Variants in BLOC1S2 observed in about 807,000 individuals in gnomAD.
BLOC1S2 encodes biogenesis of lysosome-related organelles complex 1 subunit 2.
A neutral mutation model predicts 19.6 loss-of-function variants in BLOC1S2; 12 were observed. The ratio of observed to expected loss-of-function variants is 0.61; its 90% CI spans 0.39 to 0.99. The LOEUF (loss-of-function observed/expected upper bound fraction) is 0.99, where lower values mean the gene tolerates loss of function less well. Ranked by LOEUF, BLOC1S2 falls within the 50% of genes least tolerant of loss-of-function variation. BLOC1S2 has a pLI of 0.00. For missense variants in BLOC1S2, 142 were observed against 171.0 expected, an observed-to-expected ratio of 0.83 and a Z score of 0.95; for synonymous variants, 66 against 64.1, an observed-to-expected ratio of 1.03 and a Z score of -0.14.
chr10:100,279,984 TATA>T (rs1438596476), intron 4 of BLOC1S2, 137 bp downstream of exon 4: 16 of 451,502 alleles, frequency 3.5e-5, no homozygotes, highest in Non-Finnish European at 5.8e-5. Context: ...TTTTTATTAA[TATA>T]ATAATAAATT....
chr10:100,284,358 A>G (rs1848183170), intron 2 of BLOC1S2, among the ~76,000 whole-genome samples: 1 of 152,220 alleles, frequency 6.6e-6, no homozygotes, highest in Admixed American at 6.5e-5. Flanking sequence ...AAAAATAAAC[A>G]AACAAATAAT....
In BLOC1S2 at chr10:100,275,413, A is replaced by T. The variant is rs373459377; in HGVS notation, c.*49T>A. ...CCTCAGGATTCAGGTTTTATAAGAC[A>T]TTCTTCCACATTAAAAAAAAAAGAC... is the stretch of plus-strand genomic sequence containing the variant. On this transcript the variant is annotated 3_prime_UTR_variant, in exon 5 of 5. Coordinates refer to ENST00000370372, the MANE Select transcript of BLOC1S2 (RefSeq NM_173809.5). 13 of 1,538,876 alleles carry T rather than the reference A, an allele frequency of 8.4e-6. No individual in the cohort carries two copies. The highest frequency in any genetic ancestry group is 3.7e-5 in the South Asian group (3 of 81,714).
chr10:100,276,814 C>A (rs1188804553), intron 4 of BLOC1S2, among the ~76,000 whole-genome samples: 253 of 150,640 alleles, frequency 1.7e-3, no homozygotes, highest in African/African-American at 6.1e-3. Context: ...CTCAATGGTG[C>A]CCAGGCTGGA....
At chr10:100,285,093 A>AC (rs11383958) in intron 2 of BLOC1S2, among the ~76,000 whole-genome samples, 1 of 151,804 alleles carries the variant, frequency 6.6e-6, no homozygotes, top group Non-Finnish European at 1.5e-5. Context: ...AAAAAAAAAA[A>AC]TTACAGATTC....
In BLOC1S2 at chr10:100,273,810, C is replaced by G. The variant is rs1277253267; in HGVS notation, c.*1652G>C. 1 of 144,706 alleles carries G rather than the reference C, an allele frequency of 6.9e-6. No individual in the cohort carries two copies. The highest frequency in any genetic ancestry group is 1.5e-5 in the Non-Finnish European group (1 of 66,980). 9.0% of individuals were successfully genotyped at this position (144,706 alleles called of 1,614,324 possible). The stretch of plus-strand genomic sequence containing the variant: ...AAGATCGCACCACTGCACTCCAGCC[C>G]AGGCGACAGAGCAAGACTTCATCTC... On this transcript the variant is annotated 3_prime_UTR_variant, in exon 5 of 5. Transcript: ENST00000370372.
At chr10:100,285,410 C>T (rs1014001879) in intron 2 of BLOC1S2, among the ~76,000 whole-genome samples, 2 of 152,116 alleles carry the variant, frequency 1.3e-5, no homozygotes, top group African/African-American at 4.8e-5. Flanking sequence ...TACAGGCGCC[C>T]GCCACCACGG....
intron 3 of BLOC1S2, 93 bp downstream of exon 3, chr10:100,280,841 A>G (rs1848084307): frequency 1.4e-6 from 2 of 1,421,846 alleles, no homozygotes; most frequent in Non-Finnish European, 1.8e-6. Flanking sequence ...CTCCCACAAG[A>G]CAAGGATGTC....
At chr10:100,276,005 A>C (rs1391983390) in intron 4 of BLOC1S2, among the ~76,000 whole-genome samples, 1 of 152,194 alleles carries the variant, frequency 6.6e-6, no homozygotes, top group African/African-American at 2.4e-5. Context: ...TAAAACCATG[A>C]AAGCACCTGG....
In BLOC1S2 at chr10:100,275,102, C is replaced by T; in HGVS notation, c.*360G>A. 2.5e-6 allele frequency: 1 copy of T among 400,674 alleles called. No homozygotes were observed. Among genetic ancestry groups the T allele is most frequent in the Non-Finnish European group, 4.4e-6 (1 of 227,126 alleles). 24.8% of individuals were successfully genotyped at this position (400,674 alleles called of 1,614,324 possible). A position where few individuals can be genotyped will look rare whatever the true frequency, so the allele number is the denominator to read the frequency against. Reference sequence around the variant, plus strand: ...ATTTACATAGTAACTAAAAAACCAGCCACTTAAGAAAATAATGTAGTAATC... The same window carrying T: ...ATTTACATAGTAACTAAAAAACCAGTCACTTAAGAAAATAATGTAGTAATC... On this transcript the variant is annotated 3_prime_UTR_variant, in exon 5 of 5. Coordinates refer to ENST00000370372, the MANE Select transcript of BLOC1S2 (RefSeq NM_173809.5).
chr10:100,278,068 G>A (rs1847978486), intron 4 of BLOC1S2, among the ~76,000 whole-genome samples: 1 of 136,484 alleles, frequency 7.3e-6, no homozygotes, highest in Non-Finnish European at 1.6e-5. Context: ...GGGGGGCTCA[G>A]CCCCCCGCCG....
intron 2 of BLOC1S2, among the ~76,000 whole-genome samples, chr10:100,284,580 C>T (rs918011987): frequency 6.6e-6 from 1 of 152,194 alleles, no homozygotes; most frequent in African/African-American, 2.4e-5. Flanking sequence ...TAACCTCCAC[C>T]TCTCAGGTCA....
chr10:100,277,176 G>A (rs1212003586), intron 4 of BLOC1S2, among the ~76,000 whole-genome samples: 2 of 151,746 alleles, frequency 1.3e-5, no homozygotes, highest in African/African-American at 4.8e-5. Flanking sequence ...GAGGTGAGGA[G>A]CGTCTCTGCC....
chr10:100,281,205 A>G, intron 2 of BLOC1S2, 152 bp from the exon 3 acceptor site: 1 of 870,584 alleles, frequency 1.1e-6, no homozygotes. Context: ...AACTCAGCCT[A>G]TGTACTCTGA....
Position 100,280,299 on chromosome 10 carries a change from A to G in BLOC1S2, c.293-71T>C, listed in dbSNP as rs1047374157. ...AAAGAATATAGGAAAAGAGTGGAAA[A>G]GTAATAATGCTAGTGTCTCTCCAGC... On this transcript the variant is annotated intron_variant, in intron 3 of 4. Coordinates refer to ENST00000370372, the MANE Select transcript of BLOC1S2 (RefSeq NM_173809.5). The G allele has an allele frequency of 1.1e-4, 151 of 1,362,036 alleles. 2 individuals carry two copies. The highest frequency in any genetic ancestry group is 1.5e-4 in the Non-Finnish European group (145 of 972,916). 84.4% of individuals were successfully genotyped at this position (1,362,036 alleles called of 1,614,324 possible).
intron 4 of BLOC1S2, among the ~76,000 whole-genome samples, chr10:100,277,067 C>T (rs35696979): frequency 5.0e-5 from 7 of 139,796 alleles, no homozygotes; most frequent in African/African-American, 1.3e-4. Flanking sequence ...GGAGCGCCTC[C>T]TCCCGGCCGC....
chr10:100,278,809 T>TA (rs71013437), intron 4 of BLOC1S2, among the ~76,000 whole-genome samples: 62,505 of 137,512 alleles, frequency 0.45, 13,438 homozygotes, highest in Non-Finnish European at 0.51. Flanking sequence ...GAATGATCAA[T>TA]AAAAAAAAAA....
At chr10:100,275,520 C>T (rs1273702518) in intron 4 of BLOC1S2, 27 bp from the exon 5 acceptor site, 2 of 1,593,434 alleles carry the variant, frequency 1.3e-6, no homozygotes, top group Non-Finnish European at 1.7e-6. Context: ...AGAGTTACAT[C>T]TTTTAAAACT....
intron 4 of BLOC1S2, among the ~76,000 whole-genome samples, chr10:100,277,882 G>T (rs1200303157): frequency 3.4e-5 from 4 of 116,514 alleles, no homozygotes; most frequent in Non-Finnish European, 7.5e-5. Context: ...GGAGGGAGGT[G>T]GGGGGGTCAG....
chr10:100,273,489 G>C lies in BLOC1S2; in HGVS notation c.*1973C>G, dbSNP rs527630619. 23 of 152,230 alleles carry C rather than the reference G, an allele frequency of 1.5e-4. No individual in the cohort carries two copies. Among genetic ancestry groups the C allele is most frequent in the African/African-American group, 5.5e-4 (23 of 41,538 alleles). 9.4% of individuals were successfully genotyped at this position (152,230 alleles called of 1,614,324 possible). ...GAAAACTCATCCATGGGAATTTAAG[G>C]TGGCTGAAGATAGCTGAACACAGTG... On this transcript the variant is annotated 3_prime_UTR_variant, in exon 5 of 5. Coordinates refer to ENST00000370372, the MANE Select transcript of BLOC1S2 (RefSeq NM_173809.5).
Sources: allele counts gnomAD v4.1 joint callset (sites outside exome capture counted in the v4.1 genomes callset), GRCh38; gene constraint gnomAD v4.1.1; transcripts MANE v1.5; gene names NCBI Gene and HGNC (gene_info 2026-07-23, HGNC 2026-07-21).